TNIK: variants seen among roughly 807,000 people sequenced by gnomAD.
TNIK encodes TRAF2 and NCK interacting kinase.
In TNIK, 49 loss-of-function variants were observed where a neutral mutation model predicts 191.3. That is an observed-to-expected ratio of 0.26 (90% CI 0.20 to 0.32). TNIK has a LOEUF of 0.32. Among genes scored for constraint, TNIK ranks in the 10% least tolerant of loss-of-function variants. TNIK has a pLI of 1.00. For missense variants in TNIK, 1,155 were observed against 1,702.3 expected (o/e 0.68, Z 5.66); for synonymous variants, 594 against 600.9 (o/e 0.99, Z 0.17).
At chr3:171,108,455 G>A (rs1382984587) in intron 19 of TNIK, among the ~76,000 whole-genome samples, 1 of 152,042 alleles carries the variant, frequency 6.6e-6, no homozygotes, top group African/African-American at 2.4e-5. Flanking sequence ...TGCTTTCCAT[G>A]TCAATTATCT....
At chr3:171,070,899 C>G (rs1243738923) in intron 29 of TNIK, among the ~76,000 whole-genome samples, 1 of 152,110 alleles carries the variant, frequency 6.6e-6, no homozygotes, top group East Asian at 1.9e-4. Flanking sequence ...CAGGGAATAC[C>G]CTGGTTTAGG....
chr3:171,396,444 T>G (rs1193994502), intron 1 of TNIK, among the ~76,000 whole-genome samples: 1 of 152,222 alleles, frequency 6.6e-6, no homozygotes, highest in Non-Finnish European at 1.5e-5. Context: ...TATAGACATA[T>G]TTTCATTTCA....
chr3:171,407,297 A>G (rs1721819912), intron 1 of TNIK, among the ~76,000 whole-genome samples: 1 of 152,176 alleles, frequency 6.6e-6, no homozygotes, highest in South Asian at 2.1e-4. Flanking sequence ...TCATACAGAA[A>G]ATGCAAACAT....
intron 5 of TNIK, 22 bp downstream of exon 5, chr3:171,194,503 C>T: frequency 6.2e-7 from 1 of 1,601,200 alleles, no homozygotes. Flanking sequence ...GGGAGGTGGG[C>T]CAGTCCCCAC....
At chr3:171,230,177 A>G (rs1325765853) in intron 2 of TNIK, among the ~76,000 whole-genome samples, 1 of 152,234 alleles carries the variant, frequency 6.6e-6, no homozygotes, top group Admixed American at 6.5e-5. Flanking sequence ...CAGCAACGCT[A>G]CCTTTCCTGC....
intron 18 of TNIK, among the ~76,000 whole-genome samples, chr3:171,111,208 G>A (rs981752058): frequency 1.2e-4 from 18 of 152,076 alleles, no homozygotes; most frequent in Admixed American, 1.0e-3. Flanking sequence ...GATCACTTGA[G>A]GCCAGGAGTT....
intron 9 of TNIK, among the ~76,000 whole-genome samples, chr3:171,168,893 G>A (rs1247570597): frequency 2.0e-5 from 3 of 152,192 alleles, no homozygotes; most frequent in Admixed American, 1.3e-4. Context: ...TTCTGGACAA[G>A]AGCTGCAATA....
chr3:171,126,840 A>G (rs1728546661), intron 16 of TNIK, among the ~76,000 whole-genome samples: 1 of 152,228 alleles, frequency 6.6e-6, no homozygotes, highest in Admixed American at 6.5e-5. Context: ...TATCTCAACT[A>G]GGCCAACTGG....
intron 28 of TNIK, among the ~76,000 whole-genome samples, chr3:171,073,619 CTA>C (rs1239336995): frequency 6.6e-6 from 1 of 151,986 alleles, no homozygotes; most frequent in Non-Finnish European, 1.5e-5. Context: ...TATTTGCAAA[CTA>C]TGCATCCAAC....
At chr3:171,137,858 G>T (rs1232498233) in intron 15 of TNIK, among the ~76,000 whole-genome samples, 1 of 151,016 alleles carries the variant, frequency 6.6e-6, no homozygotes, top group Non-Finnish European at 1.5e-5. Flanking sequence ...CAACAAAAAG[G>T]TCACTAAAAA....
chr3:171,347,073 G>A, intron 2 of TNIK: 4 of 1,456,216 alleles, frequency 2.7e-6, no homozygotes, highest in South Asian at 1.3e-5. Context: ...TGGTGGCAGA[G>A]ACAGAAAACA....
chr3:171,127,886 A>G (rs899603837), intron 16 of TNIK, among the ~76,000 whole-genome samples: 2 of 152,258 alleles, frequency 1.3e-5, no homozygotes, highest in Non-Finnish European at 2.9e-5. Context: ...AAGTCTTAAC[A>G]CAGGTGGATG....
At chr3:171,264,038 A>G (rs1256691720) in intron 2 of TNIK, among the ~76,000 whole-genome samples, 12 of 148,746 alleles carry the variant, frequency 8.1e-5, no homozygotes, top group Admixed American at 3.4e-4. Context: ...GTGTGTGTGT[A>G]TATATATGTG....
At position 171,450,975 on chromosome 3, in the gene TNIK, AC is replaced by A. The variant is rs540919926; in HGVS notation, c.57+9031del. On this transcript the variant is annotated intron_variant, in intron 1 of 32. Coordinates refer to ENST00000436636, the MANE Select transcript of TNIK (RefSeq NM_015028.4). ...TAAAGATAATAAAGCACTGAATTGG[AC>A]AGTTTCAGGGTGGAAGGGAGTGTTA... is the stretch of plus-strand genomic sequence containing the variant. Among the ~76,000 whole-genome samples, 26 of 152,322 alleles carry A rather than the reference AC, an allele frequency of 1.7e-4. 1 individual carries two copies. The South Asian group carries it at 5.4e-3, about 32-fold the overall frequency.
intron 1 of TNIK, among the ~76,000 whole-genome samples, chr3:171,455,406 CT>C (rs761736063): frequency 0.011 from 1,447 of 137,396 alleles, 9 homozygotes; most frequent in Non-Finnish European, 0.015. Context: ...ACCACACTGA[CT>C]TTTTTTTTTT....
rs370771211 is a variant in TNIK, at chr3:171,384,617, T to C, written c.58-14932A>G. ...CTAATACATAAAGACTCTCACTAAA[T>C]GAGGAAATGACTACACTTTATATCC... On this transcript the variant is annotated intron_variant, in intron 1 of 32. Transcript: ENST00000436636. Among the ~76,000 whole-genome samples, 4 of 152,308 alleles carry C rather than the reference T, an allele frequency of 2.6e-5. No individual in the cohort carries two copies. The East Asian group carries it at 5.8e-4, about 22-fold the overall frequency.
chr3:171,149,170 A>G (rs1179951761), intron 12 of TNIK, among the ~76,000 whole-genome samples: 1 of 152,252 alleles, frequency 6.6e-6, no homozygotes, highest in East Asian at 1.9e-4. Flanking sequence ...TGAACACACA[A>G]AACATACAGA....
At chr3:171,402,587 T>C (rs1721091651) in intron 1 of TNIK, among the ~76,000 whole-genome samples, 1 of 152,216 alleles carries the variant, frequency 6.6e-6, no homozygotes, top group Non-Finnish European at 1.5e-5. Flanking sequence ...GACCGTGATA[T>C]AGTGAACAAT....
chr3:171,177,181 A>T (rs1736068165), intron 8 of TNIK, 145 bp downstream of exon 8: 1 of 642,382 alleles, frequency 1.6e-6, no homozygotes, highest in Non-Finnish European at 2.4e-6. Flanking sequence ...TTGATTTAAG[A>T]TGACTCTGCT....
Sources: gnomAD v4.1 joint callset for allele counts (sites outside exome capture counted in the v4.1 genomes callset) on GRCh38, gnomAD v4.1.1 for gene constraint, MANE v1.5 for transcripts, NCBI Gene and HGNC (gene_info 2026-07-23, HGNC 2026-07-21) for gene names.